GALNT17: variants seen among roughly 807,000 people sequenced by gnomAD.
GALNT17 encodes polypeptide N-acetylgalactosaminyltransferase 17.
GALNT17 carries 29 observed loss-of-function variants against 63.7 expected under a neutral mutation model. The ratio of observed to expected loss-of-function variants is 0.46; its 90% CI spans 0.34 to 0.62. The LOEUF is 0.62. GALNT17 is among the 20% of genes least tolerant of loss of function. The pLI, the probability that GALNT17 is intolerant of heterozygous loss-of-function variation, is 0.01. For missense variants in GALNT17, 603 were observed against 799.6 expected (o/e 0.75, Z 2.97); for synonymous variants, 305 against 318.3 (o/e 0.96, Z 0.45).
intron 1 of GALNT17, among the ~76,000 whole-genome samples, chr7:71,318,506 G>T (rs1791543475): frequency 6.8e-6 from 1 of 147,414 alleles, no homozygotes; most frequent in Non-Finnish European, 1.5e-5. Flanking sequence ...TGCCACCACT[G>T]CCTCCTGGGT....
chr7:71,616,709 A>T (rs1359849563), intron 6 of GALNT17, among the ~76,000 whole-genome samples: 1 of 12,714 alleles, frequency 7.9e-5, no homozygotes, highest in East Asian at 0.25. Context: ...ATTGTGATTG[A>T]TGTATATAAT....
intron 6 of GALNT17, among the ~76,000 whole-genome samples, chr7:71,590,263 A>G (rs1160013614): frequency 6.6e-6 from 1 of 152,208 alleles, no homozygotes; most frequent in Non-Finnish European, 1.5e-5. Flanking sequence ...GCTGAAATGT[A>G]TTATCATAAT....
At chr7:71,168,705 ATGTGTGTGTGTG>A (rs10536926) in intron 1 of GALNT17, among the ~76,000 whole-genome samples, 6 of 149,046 alleles carry the variant, frequency 4.0e-5, no homozygotes, top group South Asian at 2.1e-4. Context: ...AGTTACGTGT[ATGTGTGTGTGTG>A]TGTGTGTGTG....
At chr7:71,638,161 C>T (rs1037855648) in intron 6 of GALNT17, among the ~76,000 whole-genome samples, 1 of 152,182 alleles carries the variant, frequency 6.6e-6, no homozygotes, top group Admixed American at 6.5e-5. Context: ...TGTCTTTTAG[C>T]ATGCTAATGC....
At chr7:71,419,222 A>G (rs1188883852) in intron 4 of GALNT17, among the ~76,000 whole-genome samples, 1 of 152,190 alleles carries the variant, frequency 6.6e-6, no homozygotes, top group Non-Finnish European at 1.5e-5. Context: ...TGGTTCATCA[A>G]AGAGGTAGTG....
intron 1 of GALNT17, among the ~76,000 whole-genome samples, chr7:71,233,207 T>C (rs1488977434): frequency 6.6e-6 from 1 of 152,186 alleles, no homozygotes; most frequent in Non-Finnish European, 1.5e-5. Flanking sequence ...GTGTGGAGTC[T>C]ATGAGTTATT....
intron 1 of GALNT17, among the ~76,000 whole-genome samples, chr7:71,240,671 TTTTCC>T (rs1789977263): frequency 2.7e-5 from 4 of 147,230 alleles, no homozygotes; most frequent in African/African-American, 1.0e-4. Flanking sequence ...TTTTTTCTTT[TTTTCC>T]TTTTTTTTGA....
At chr7:71,388,770 G>A (rs1345113916) in intron 3 of GALNT17, among the ~76,000 whole-genome samples, 3 of 152,012 alleles carry the variant, frequency 2.0e-5, no homozygotes, top group South Asian at 2.1e-4. Flanking sequence ...CAGGTGATCC[G>A]CTCACCTCAG....
chr7:71,170,616 A>G (rs1231544792), intron 1 of GALNT17, among the ~76,000 whole-genome samples: 1 of 152,074 alleles, frequency 6.6e-6, no homozygotes, highest in Non-Finnish European at 1.5e-5. Context: ...GATTACAGGC[A>G]TGAGTCACTG....
intron 1 of GALNT17, among the ~76,000 whole-genome samples, chr7:71,156,974 A>G (rs1788248351): frequency 6.6e-6 from 1 of 151,488 alleles, no homozygotes; most frequent in Non-Finnish European, 1.5e-5. Flanking sequence ...ATTTATTTAT[A>G]GAGATGAGGT....
At chr7:71,291,829 G>A (rs1233973373) in intron 1 of GALNT17, among the ~76,000 whole-genome samples, 2 of 151,520 alleles carry the variant, frequency 1.3e-5, no homozygotes, top group Non-Finnish European at 2.9e-5. Flanking sequence ...TTATCTTTTC[G>A]ATTGTTTTAA....
intron 9 of GALNT17, among the ~76,000 whole-genome samples, chr7:71,708,648 A>T (rs531018747): frequency 4.6e-5 from 7 of 152,274 alleles, no homozygotes; most frequent in Middle Eastern, 6.8e-3. Flanking sequence ...GTATGCTTGA[A>T]ATCGTCACCC....
chr7:71,381,310 G>A (rs553227257), intron 2 of GALNT17, among the ~76,000 whole-genome samples: 14 of 152,174 alleles, frequency 9.2e-5, no homozygotes, highest in South Asian at 6.2e-4. Flanking sequence ...ATGCTGTTGC[G>A]GATGCTACAG....
At chr7:71,664,931 T>G (rs940834226) in intron 6 of GALNT17, among the ~76,000 whole-genome samples, 1 of 152,226 alleles carries the variant, frequency 6.6e-6, no homozygotes, top group African/African-American at 2.4e-5. Context: ...GGTTAGACCA[T>G]GCTGCAGTAA....
At chr7:71,524,128 AAAAG>A (rs927289910) in intron 5 of GALNT17, among the ~76,000 whole-genome samples, 10 of 150,980 alleles carry the variant, frequency 6.6e-5, no homozygotes, top group African/African-American at 1.2e-4. Flanking sequence ...AAGAAAAAGA[AAAAG>A]AAAGAAACTC....
intron 1 of GALNT17, among the ~76,000 whole-genome samples, chr7:71,293,055 A>C (rs370376550): frequency 6.6e-6 from 1 of 151,278 alleles, no homozygotes; most frequent in Non-Finnish European, 1.5e-5. Context: ...ATGCTATTCC[A>C]TTGTGTATGT....
chr7:71,252,314 C>T (rs983995325), intron 1 of GALNT17, among the ~76,000 whole-genome samples: 1 of 151,130 alleles, frequency 6.6e-6, no homozygotes, highest in Non-Finnish European at 1.5e-5. Flanking sequence ...ATCACAAGGA[C>T]AGGAGTTTGA....
chr7:71,252,596 GACTGTGC>G (rs1259889475), intron 1 of GALNT17, among the ~76,000 whole-genome samples: 2 of 152,156 alleles, frequency 1.3e-5, no homozygotes, highest in African/African-American at 4.8e-5. Context: ...CATTTAATGT[GACTGTGC>G]ACACATTTCA....
intron 5 of GALNT17, among the ~76,000 whole-genome samples, chr7:71,446,495 T>A (rs902057900): frequency 6.6e-6 from 1 of 152,200 alleles, no homozygotes; most frequent in African/African-American, 2.4e-5. Flanking sequence ...TGTTTAAAAG[T>A]CAAATATATA....
Sources: allele counts gnomAD v4.1 joint callset (sites outside exome capture counted in the v4.1 genomes callset), GRCh38; gene constraint gnomAD v4.1.1; transcripts MANE v1.5; gene names NCBI Gene and HGNC (gene_info 2026-07-23, HGNC 2026-07-21).